The following AKAP13 variants were observed in gnomAD, a reference collection of about 807,000 sequenced individuals.
AKAP13 encodes the protein A-kinase anchoring protein 13.
Under a neutral mutation model 264.5 loss-of-function variants are expected in AKAP13, and 80 were observed. The observed-to-expected ratio is 0.30, with a 90% CI of 0.25 to 0.36. The LOEUF is 0.36. Among genes scored for constraint, AKAP13 ranks in the 10% least tolerant of loss-of-function variants. The probability of loss-of-function intolerance (pLI) is 1.00; values close to 1 mark genes in which losing one functional copy is unlikely to be tolerated. For synonymous variants in AKAP13, 1,380 were observed against 1,250.2 expected, an observed-to-expected ratio of 1.10 and a Z score of -2.19; for missense variants, 3,712 against 3,435.2, an observed-to-expected ratio of 1.08 and a Z score of -2.01.
At chr15:85,492,244 C>G (rs1322137193) in intron 2 of AKAP13, among the ~76,000 whole-genome samples, 15 of 152,198 alleles carry the variant, frequency 9.9e-5, no homozygotes, top group Admixed American at 9.8e-4. Context: ...AGGCCAAGCA[C>G]AGTGGCTCAT....
At chr15:85,586,427 G>C (rs778194178) in intron 8 of AKAP13, among the ~76,000 whole-genome samples, 2 of 151,910 alleles carry the variant, frequency 1.3e-5, no homozygotes, top group Non-Finnish European at 2.9e-5. Context: ...GGCTGTTTTC[G>C]AACTGGCCTC....
chr15:85,417,217 G>T (rs1344815973), intron 1 of AKAP13, among the ~76,000 whole-genome samples: 1 of 152,164 alleles, frequency 6.6e-6, no homozygotes, highest in Non-Finnish European at 1.5e-5. Context: ...CTAGGCAGGA[G>T]CCAGCTTTCT....
At chr15:85,732,567 T>A (rs958917533) in intron 30 of AKAP13, among the ~76,000 whole-genome samples, 4 of 150,680 alleles carry the variant, frequency 2.7e-5, no homozygotes, top group Admixed American at 6.6e-5. Flanking sequence ...TTGATATTCT[T>A]AAACTGTGGA....
At chr15:85,641,360 C>T (rs2082299579) in intron 9 of AKAP13, among the ~76,000 whole-genome samples, 2 of 150,780 alleles carry the variant, frequency 1.3e-5, no homozygotes, top group Non-Finnish European at 3.0e-5. Flanking sequence ...GCAGAAGAAT[C>T]ACTTGAACCT....
chr15:85,679,797 C>T (rs1365953596), intron 14 of AKAP13, among the ~76,000 whole-genome samples: 1 of 152,152 alleles, frequency 6.6e-6, no homozygotes, highest in African/African-American at 2.4e-5. Flanking sequence ...TGCAGGCTAA[C>T]TTTAATGACA....
chr15:85,482,172 C>A (rs2075371812), intron 1 of AKAP13, among the ~76,000 whole-genome samples: 1 of 152,154 alleles, frequency 6.6e-6, no homozygotes, highest in Non-Finnish European at 1.5e-5. Context: ...AATGTTGTGG[C>A]AGGTTTAAGT....
At chr15:85,487,248 A>C (rs2075582676) in intron 2 of AKAP13, among the ~76,000 whole-genome samples, 1 of 152,078 alleles carries the variant, frequency 6.6e-6, no homozygotes, top group Non-Finnish European at 1.5e-5. Flanking sequence ...GATGCGTTTT[A>C]TTTCTTTTTC....
chr15:85,730,842 AGTAAATTATCAGG>A (rs1159225490), intron 30 of AKAP13, 135 bp downstream of exon 30: 1 of 789,628 alleles, frequency 1.3e-6, no homozygotes, highest in East Asian at 2.7e-5. Flanking sequence ...ATTTCACTAT[AGTAAATTATCAGG>A]TGAATATCCT....
chr15:85,668,927 A>T (rs1040490099), intron 13 of AKAP13, among the ~76,000 whole-genome samples: 1 of 152,002 alleles, frequency 6.6e-6, no homozygotes, highest in Non-Finnish European at 1.5e-5. Context: ...TGGGCGACAC[A>T]GTGAGACTCT....
intron 4 of AKAP13, among the ~76,000 whole-genome samples, chr15:85,541,122 A>G (rs1387231529): frequency 6.6e-6 from 1 of 152,226 alleles, no homozygotes; most frequent in Non-Finnish European, 1.5e-5. Flanking sequence ...GTTCACGTGT[A>G]TATGCATTTG....
chr15:85,446,243 G>T (rs1000298809), intron 1 of AKAP13, among the ~76,000 whole-genome samples: 2 of 152,208 alleles, frequency 1.3e-5, no homozygotes, highest in African/African-American at 4.8e-5. Flanking sequence ...AGATAGTTAT[G>T]CTTAGAGGCA....
intron 8 of AKAP13, among the ~76,000 whole-genome samples, chr15:85,589,033 G>T (rs1215509405): frequency 6.6e-6 from 1 of 152,166 alleles, no homozygotes; most frequent in African/African-American, 2.4e-5. Flanking sequence ...AATTCAGGAA[G>T]TTTTTGTGTT....
chr15:85,580,442 G>A lies in AKAP13; in HGVS notation c.2374G>A (p.Gly792Ser). 6.2e-7 allele frequency: 1 copy of A among 1,614,240 alleles called. No homozygotes were observed. The highest frequency in any genetic ancestry group is 8.5e-7 in the Non-Finnish European group (1 of 1,180,038). Residue 792 changes from glycine (G) to serine (S), a missense_variant, in exon 7 of 37, where the codon GGC becomes AGC. Transcript: ENST00000394518. ...TACTTTCTCTCTGGCAAACAGTCCA[G>A]GCAGTGAATCAGTAACCAAGGATGA... ...DSTFSLANSP[G>S]SESVTKDDAL... is the part of the protein sequence containing the mutation.
chr15:85,680,141 AT>A (rs1426062834), intron 14 of AKAP13, among the ~76,000 whole-genome samples: 2 of 152,088 alleles, frequency 1.3e-5, no homozygotes, highest in African/African-American at 2.4e-5. Flanking sequence ...TGCATTATGA[AT>A]TTTATTTTTA....
chr15:85,542,147 C>A (rs1332264342), intron 4 of AKAP13, among the ~76,000 whole-genome samples: 4 of 152,170 alleles, frequency 2.6e-5, no homozygotes, highest in Non-Finnish European at 2.9e-5. Flanking sequence ...GCTATTTGAT[C>A]TTTTGTGAGG....
chr15:85,445,091 A>G (rs771822917), intron 1 of AKAP13, among the ~76,000 whole-genome samples: 5 of 152,160 alleles, frequency 3.3e-5, no homozygotes, highest in African/African-American at 4.8e-5. Context: ...TTATCCTCTG[A>G]TCTCTGATAA....
chr15:85,408,763 T>C (rs1235065270), intron 1 of AKAP13, among the ~76,000 whole-genome samples: 1 of 151,864 alleles, frequency 6.6e-6, no homozygotes, highest in Non-Finnish European at 1.5e-5. Flanking sequence ...TATGGGTTAT[T>C]GTGAATAATG....
intron 16 of AKAP13, among the ~76,000 whole-genome samples, chr15:85,688,895 G>A (rs1465644052): frequency 6.6e-6 from 1 of 152,214 alleles, no homozygotes; most frequent in Non-Finnish European, 1.5e-5. Flanking sequence ...GTATCTTTGA[G>A]AGATAGTGCT....
chr15:85,508,445 G>A (rs1448187174), intron 2 of AKAP13, among the ~76,000 whole-genome samples: 1 of 143,186 alleles, frequency 7.0e-6, no homozygotes, highest in South Asian at 2.1e-4. Context: ...GCCTGGCCTT[G>A]TGTAGATTTT....
Sources: gnomAD v4.1 joint callset for allele counts (sites outside exome capture counted in the v4.1 genomes callset) on GRCh38, gnomAD v4.1.1 for gene constraint, MANE v1.5 for transcripts, NCBI Gene and HGNC (gene_info 2026-07-23, HGNC 2026-07-21) for gene names.